Variants in ATP10B observed in about 807,000 individuals in gnomAD.
ATP10B encodes phospholipid-transporting ATPase VB.
Under a neutral mutation model 141.2 loss-of-function variants are expected in ATP10B, and 122 were observed. The observed-to-expected ratio is 0.86, with a 90% confidence interval of 0.75 to 1.00. The LOEUF is 1.00. ATP10B is among the 50% of genes least tolerant of loss of function. The pLI is 0.00. For missense variants in ATP10B, 1,876 were observed against 1,825.3 expected (o/e 1.03, Z -0.51); for synonymous variants, 685 against 692.0 (o/e 0.99, Z 0.16).
the ATP10B span, among the ~76,000 whole-genome samples, chr5:160,903,778 G>A: frequency 8.5e-5 from 13 of 152,106 alleles, no homozygotes; most frequent in African/African-American, 2.2e-4. Flanking sequence ...TGCCCTTCTT[G>A]TATTTTCCTT....
chr5:160,896,305 G>A, the ATP10B span, among the ~76,000 whole-genome samples: 1 of 150,812 alleles, frequency 6.6e-6, no homozygotes, highest in African/African-American at 2.4e-5. Context: ...TAGACCACTA[G>A]CCAGATTATT....
intron 1 of ATP10B, among the ~76,000 whole-genome samples, chr5:160,789,700 A>G (rs1001444925): frequency 1.3e-5 from 2 of 152,180 alleles, no homozygotes; most frequent in Non-Finnish European, 2.9e-5. Context: ...TACAGATTAC[A>G]GACAGGAAAC....
chr5:160,896,571 A>C, the ATP10B span, among the ~76,000 whole-genome samples: 1 of 152,182 alleles, frequency 6.6e-6, no homozygotes, highest in African/African-American at 2.4e-5. Flanking sequence ...TAATCAAAAA[A>C]AGCCCAGGAC....
At chr5:160,620,259 T>C in intron 15 of ATP10B, 88 bp downstream of exon 15, 1 of 1,500,798 alleles carries the variant, frequency 6.7e-7, no homozygotes, top group Non-Finnish European at 8.9e-7. Flanking sequence ...CAGGTGACAC[T>C]ACAACTTGAG....
chr5:160,730,176 T>C (rs1306793559), intron 2 of ATP10B, among the ~76,000 whole-genome samples: 1 of 152,176 alleles, frequency 6.6e-6, no homozygotes, highest in African/African-American at 2.4e-5. Flanking sequence ...ACAGTGAGTT[T>C]ACCTATTCTT....
chr5:160,835,042 A>G (rs1775330947), intron 1 of ATP10B, among the ~76,000 whole-genome samples: 2 of 152,114 alleles, frequency 1.3e-5, no homozygotes, highest in African/African-American at 4.8e-5. Flanking sequence ...TGAGATATAG[A>G]TTACTGATGA....
chr5:160,640,326 T>A, intron 10 of ATP10B, 135 bp downstream of exon 10: 1 of 926,644 alleles, frequency 1.1e-6, no homozygotes, highest in South Asian at 2.0e-5. Context: ...GCATTTTCAT[T>A]TCATTGGCAT....
intron 19 of ATP10B, among the ~76,000 whole-genome samples, chr5:160,604,787 G>A (rs544506440): frequency 5.3e-4 from 81 of 152,220 alleles, no homozygotes; most frequent in Non-Finnish European, 9.9e-4. Context: ...TGAGGGAAAC[G>A]TTCTATATCT....
intron 15 of ATP10B, among the ~76,000 whole-genome samples, chr5:160,618,883 A>G (rs1400783914): frequency 6.6e-6 from 1 of 152,098 alleles, no homozygotes; most frequent in African/African-American, 2.4e-5. Context: ...AGGTCCTAAG[A>G]TTGAACAGAA....
At position 160,569,585 on chromosome 5, in the gene ATP10B, G is replaced by T. The variant is rs1561611419; in HGVS notation, c.3849C>A (p.Thr1283=). 1.2e-6 allele frequency: 2 copies of T among 1,613,872 alleles called. No homozygotes were observed. The highest frequency in any genetic ancestry group is 1.7e-6 in the Non-Finnish European group (2 of 1,179,860). ...NATCVICNSP[T]NPYWVMEGQL... ...GGCCTTCCATCACCCAATAGGGATT[G>T]GTGGGGCTGTTGCAGATGACGCAGG... is the stretch of plus-strand genomic sequence containing the variant. The change falls in exon 25 of 26, where the codon ACC becomes ACA. Residue 1283 remains threonine, a synonymous_variant. Transcript: ENST00000327245.
intron 12 of ATP10B, 32 bp from the exon 13 acceptor site, chr5:160,632,399 T>C: frequency 6.3e-7 from 1 of 1,598,614 alleles, no homozygotes; most frequent in Non-Finnish European, 8.6e-7. Flanking sequence ...ATTGCACTAG[T>C]TGTACCTCGG....
chr5:160,818,306 C>A (rs1279333441), intron 1 of ATP10B, among the ~76,000 whole-genome samples: 6 of 151,866 alleles, frequency 4.0e-5, no homozygotes, highest in South Asian at 2.1e-4. Flanking sequence ...TTTACAAGAA[C>A]AAAACAAACA....
At chr5:160,591,246 T>C in intron 22 of ATP10B, 107 bp from the exon 23 acceptor site, 2 of 802,846 alleles carry the variant, frequency 2.5e-6, no homozygotes, top group Non-Finnish European at 2.0e-6. Flanking sequence ...ACGCATACAA[T>C]GCCTCTTGTA....
chr5:160,825,144 G>A (rs1422398896), intron 1 of ATP10B, among the ~76,000 whole-genome samples: 2 of 152,186 alleles, frequency 1.3e-5, no homozygotes, highest in African/African-American at 4.8e-5. Flanking sequence ...TTTGAGGTCA[G>A]AGACTGTCCT....
intron 1 of ATP10B, among the ~76,000 whole-genome samples, chr5:160,820,914 G>A (rs1279390433): frequency 6.6e-6 from 1 of 152,082 alleles, no homozygotes; most frequent in Non-Finnish European, 1.5e-5. Context: ...AGCCATGTAT[G>A]GCAGACCCAT....
chr5:160,693,823 C>T (rs1764217349), intron 3 of ATP10B, among the ~76,000 whole-genome samples: 2 of 152,208 alleles, frequency 1.3e-5, no homozygotes, highest in Non-Finnish European at 2.9e-5. Flanking sequence ...TTTAATGTCT[C>T]CACTGATCTG....
chr5:160,891,181 G>T, the ATP10B span, among the ~76,000 whole-genome samples: 3 of 152,160 alleles, frequency 2.0e-5, no homozygotes, highest in Non-Finnish European at 2.9e-5. Context: ...GTTTGCAGTT[G>T]CTGAGGTTTG....
intron 13 of ATP10B, among the ~76,000 whole-genome samples, chr5:160,628,024 G>A (rs1440718544): frequency 1.3e-5 from 2 of 152,240 alleles, no homozygotes; most frequent in South Asian, 2.1e-4. Context: ...TGGTTGCTGG[G>A]GAGCTGGAGG....
chr5:160,778,577 G>A (rs1322642909), intron 2 of ATP10B, among the ~76,000 whole-genome samples: 1 of 152,186 alleles, frequency 6.6e-6, no homozygotes, highest in Admixed American at 6.5e-5. Context: ...TGGACCAGAG[G>A]ATGTCACATC....
Sources: allele counts gnomAD v4.1 joint callset (sites outside exome capture counted in the v4.1 genomes callset), GRCh38; gene constraint gnomAD v4.1.1; transcripts MANE v1.5; gene names NCBI Gene and HGNC (gene_info 2026-07-23, HGNC 2026-07-21).